PCDHA3: variants seen among roughly 807,000 people sequenced by gnomAD.
The protein encoded by PCDHA3 is protocadherin alpha 3.
In PCDHA3, 41 loss-of-function variants were observed where a neutral mutation model predicts 62.2. The ratio of observed to expected loss-of-function variants is 0.66; its 90% CI spans 0.51 to 0.86. PCDHA3 has a LOEUF of 0.86. Among genes scored for constraint, PCDHA3 ranks in the 40% least tolerant of loss-of-function variants. The pLI, the probability that PCDHA3 is intolerant of heterozygous loss-of-function variation, is 0.00. For synonymous variants in PCDHA3, 640 were observed against 555.4 expected, an observed-to-expected ratio of 1.15 and a Z score of -2.14; for missense variants, 1,304 against 1,241.2, an observed-to-expected ratio of 1.05 and a Z score of -0.76.
In PCDHA3 at chr5:140,876,137, T is replaced by TA. The variant is rs781824852; in HGVS notation, c.2394+72548dup. The TA allele has an allele frequency of 1.3e-5, 21 of 1,613,798 alleles. No individual in the cohort carries two copies. The Middle Eastern group carries it at 4.9e-4, about 38-fold the overall frequency. On this transcript the variant is annotated intron_variant, in intron 1 of 3. Coordinates refer to ENST00000522353, the MANE Select transcript of PCDHA3 (RefSeq NM_018906.3). Reference sequence around the variant, plus strand: ...GTAATCGATGGCGGTAAACCAGAACTAACAGGGTCTGTCCAGATTCAAATA... The same window carrying TA: ...GTAATCGATGGCGGTAAACCAGAACTAAACAGGGTCTGTCCAGATTCAAATA...
intron 1 of PCDHA3, among the ~76,000 whole-genome samples, chr5:140,827,413 C>T (rs1769282233): frequency 6.6e-6 from 1 of 152,162 alleles, no homozygotes; most frequent in African/African-American, 2.4e-5. Flanking sequence ...AAAGAATATG[C>T]TCTAGAATTT....
intron 1 of PCDHA3, chr5:140,824,241 G>A (rs2150133437): frequency 6.0e-6 from 9 of 1,494,128 alleles, no homozygotes; most frequent in Non-Finnish European, 4.6e-6. Flanking sequence ...CAAATATTGT[G>A]GTACACAATT....
intron 1 of PCDHA3, among the ~76,000 whole-genome samples, chr5:140,925,081 GA>G (rs2082282278): frequency 1.4e-5 from 2 of 146,052 alleles, no homozygotes; most frequent in African/African-American, 2.7e-5. Flanking sequence ...CGCTCATCTG[GA>G]AAGGAAGGAA....
chr5:140,952,571 C>G (rs571628495), intron 1 of PCDHA3, among the ~76,000 whole-genome samples: 2 of 152,252 alleles, frequency 1.3e-5, no homozygotes, highest in East Asian at 3.9e-4. Flanking sequence ...ACTTCGGTCC[C>G]AATCATTCAA....
chr5:140,924,900 AAAAAAT>A (rs2082118159), intron 1 of PCDHA3, among the ~76,000 whole-genome samples: 2 of 63,328 alleles, frequency 3.2e-5, no homozygotes, highest in African/African-American at 5.4e-5. Flanking sequence ...GTCTCAAAAA[AAAAAAT>A]AAAATAAAAT....
chr5:140,844,325 T>G (rs2150370543), intron 1 of PCDHA3, among the ~76,000 whole-genome samples: 1 of 149,576 alleles, frequency 6.7e-6, no homozygotes, highest in African/African-American at 2.4e-5. Context: ...AATTTTATTA[T>G]AAACTAGTTA....
intron 1 of PCDHA3, chr5:140,836,463 G>T: frequency 6.2e-7 from 1 of 1,613,838 alleles, no homozygotes. Flanking sequence ...GACCGAGCTG[G>T]TGGATGTCAA....
At position 140,876,683 on chromosome 5, in the gene PCDHA3, A is replaced by G. The variant is rs782371303; in HGVS notation, c.2394+73092A>G. ...AAGCTGGTGTCCACCTACAAGAATT[A>G]CTACTCGTTGGTGCTGGACAGCGCC... On this transcript the variant is annotated intron_variant, in intron 1 of 3. Coordinates refer to ENST00000522353, the MANE Select transcript of PCDHA3 (RefSeq NM_018906.3). 5 of 1,614,094 alleles carry G rather than the reference A, an allele frequency of 3.1e-6. No homozygotes were observed. In the South Asian group the frequency reaches 5.5e-5, roughly 18 times the overall value.
intron 1 of PCDHA3, among the ~76,000 whole-genome samples, chr5:140,958,935 G>A (rs1439446773): frequency 9.3e-6 from 1 of 107,572 alleles, no homozygotes; most frequent in African/African-American, 4.3e-5. Flanking sequence ...GCTCATACTT[G>A]TAATAATATT....
intron 1 of PCDHA3, among the ~76,000 whole-genome samples, chr5:140,909,754 G>T (rs2074670000): frequency 6.6e-6 from 1 of 152,100 alleles, no homozygotes; most frequent in Non-Finnish European, 1.5e-5. Context: ...AATGACCACA[G>T]GATGAGTCCA....
At chr5:140,937,238 C>T (rs1339814732) in intron 1 of PCDHA3, among the ~76,000 whole-genome samples, 1 of 151,920 alleles carries the variant, frequency 6.6e-6, no homozygotes, top group Admixed American at 6.6e-5. Flanking sequence ...GGGGTTTCAC[C>T]GTGTTAGCCA....
chr5:140,928,474 C>T, intron 1 of PCDHA3: 1 of 1,614,090 alleles, frequency 6.2e-7, no homozygotes, highest in Non-Finnish European at 8.5e-7. Flanking sequence ...AGTAGAAGGC[C>T]GGGATGGTGG....
chr5:140,857,301 C>T (rs2044489449), intron 1 of PCDHA3: 2 of 1,598,676 alleles, frequency 1.3e-6, no homozygotes, highest in Non-Finnish European at 8.6e-7. Context: ...GAGAGGGTGT[C>T]GGCCTATGAG....
chr5:140,852,333 A>G, intron 1 of PCDHA3: 1 of 262,614 alleles, frequency 3.8e-6, no homozygotes, highest in Non-Finnish European at 6.4e-6. Context: ...GCTGGAGTAC[A>G]GTGGCATGAT....
chr5:140,910,858 T>C (rs947258615), intron 1 of PCDHA3, among the ~76,000 whole-genome samples: 3 of 152,190 alleles, frequency 2.0e-5, no homozygotes, highest in Non-Finnish European at 4.4e-5. Context: ...CTATGTTCCA[T>C]CCACCATTAT....
rs186341301 is a variant in PCDHA3 at position 140,890,770 on chromosome 5, A to G, written c.2394+87179A>G. Among the ~76,000 whole-genome samples the G allele has an allele frequency of 8.0e-3, 1,216 of 152,240 alleles. 6 individuals are homozygous for G. Among genetic ancestry groups the G allele is most frequent in the African/African-American group, 0.019 (786 of 41,520 alleles). On this transcript the variant is annotated intron_variant, in intron 1 of 3. Transcript: ENST00000522353. Reference sequence around the variant, plus strand: ...CTGTCATGCTTTAAAAATATTTTAAAACCCCATAAGATATTAGTATTATTT... The same window carrying G: ...CTGTCATGCTTTAAAAATATTTTAAGACCCCATAAGATATTAGTATTATTT...
chr5:140,922,176 CAA>C lies in PCDHA3; in HGVS notation c.2395-56765_2395-56764del, dbSNP rs3836750. ...CAAAAACAACAAAAAGTACAGCAGACAAAAAAAAAGTCTTATCTTTAATGAAA... is the reference window on the plus strand; with the variant it reads ...CAAAAACAACAAAAAGTACAGCAGACAAAAAAAGTCTTATCTTTAATGAAA... On this transcript the variant is annotated intron_variant, in intron 1 of 3. Coordinates refer to ENST00000522353, the MANE Select transcript of PCDHA3 (RefSeq NM_018906.3). 2.6e-3 allele frequency among the ~76,000 whole-genome samples: 394 copies of C among 150,816 alleles called. 1 individual carries two copies. The highest frequency in any genetic ancestry group is 9.1e-3 in the African/African-American group (376 of 41,132).
intron 1 of PCDHA3, chr5:140,860,137 A>C (rs941289854): frequency 1.3e-5 from 2 of 150,438 alleles, no homozygotes; most frequent in Non-Finnish European, 3.0e-5. Flanking sequence ...GTGTGTGTAT[A>C]TATATGTATA....
At chr5:140,848,643 C>T in intron 1 of PCDHA3, 1 of 1,593,248 alleles carries the variant, frequency 6.3e-7, no homozygotes, top group East Asian at 2.2e-5. Flanking sequence ...CCGCATCGCG[C>T]AGGACCTGGG....
Sources: gnomAD v4.1 joint callset for allele counts (sites outside exome capture counted in the v4.1 genomes callset) on GRCh38, gnomAD v4.1.1 for gene constraint, MANE v1.5 for transcripts, NCBI Gene and HGNC (gene_info 2026-07-23, HGNC 2026-07-21) for gene names.